The following SGPL1 variants were observed in gnomAD, a reference collection of about 807,000 sequenced individuals.
SGPL1 encodes sphingosine-1-phosphate lyase 1.
Under a neutral mutation model 68.9 loss-of-function variants are expected in SGPL1, and 37 were observed. The ratio of observed to expected loss-of-function variants is 0.54; its 90% CI spans 0.41 to 0.71. SGPL1 has a LOEUF of 0.71. Among genes scored for constraint, SGPL1 ranks in the 30% least tolerant of loss-of-function variants. SGPL1 has a pLI of 0.00. For synonymous variants in SGPL1, 236 were observed against 248.5 expected (o/e 0.95, Z 0.47); for missense variants, 551 against 704.6 (o/e 0.78, Z 2.47).
chr10:70,848,386 C>T (rs779846686), intron 3 of SGPL1, among the ~76,000 whole-genome samples: 4 of 140,974 alleles, frequency 2.8e-5, no homozygotes, highest in African/African-American at 5.3e-5. Flanking sequence ...TTATGATGTA[C>T]AACATGAAGT....
At chr10:70,849,237 C>CTG (rs1366977658) in intron 3 of SGPL1, among the ~76,000 whole-genome samples, 2 of 152,192 alleles carry the variant, frequency 1.3e-5, no homozygotes, top group African/African-American at 4.8e-5. Flanking sequence ...ATTTCTGAAT[C>CTG]TGTACAGCTT....
At chr10:70,856,517 G>C (rs561992980) in intron 5 of SGPL1, among the ~76,000 whole-genome samples, 24 of 152,288 alleles carry the variant, frequency 1.6e-4, no homozygotes, top group African/African-American at 5.5e-4. Flanking sequence ...TCTAGCATCA[G>C]TAAAAGAACA....
At chr10:70,851,739 G>T (rs1845885618) in intron 4 of SGPL1, among the ~76,000 whole-genome samples, 1 of 152,112 alleles carries the variant, frequency 6.6e-6, no homozygotes, top group Non-Finnish European at 1.5e-5. Context: ...AAACATTTTG[G>T]GCTCTGTAGG....
intron 3 of SGPL1, among the ~76,000 whole-genome samples, chr10:70,850,030 C>T (rs879626186): frequency 1.3e-5 from 2 of 152,064 alleles, no homozygotes; most frequent in Admixed American, 6.5e-5. Context: ...CAGAGTCAGT[C>T]GAGATACATT....
chr10:70,860,805 G>T (rs1172057461), intron 7 of SGPL1, among the ~76,000 whole-genome samples: 1 of 152,100 alleles, frequency 6.6e-6, no homozygotes, highest in Non-Finnish European at 1.5e-5. Flanking sequence ...AATATTCATA[G>T]CAATGTTATT....
chr10:70,830,686 G>T (rs1199138722), intron 2 of SGPL1, among the ~76,000 whole-genome samples: 2 of 152,066 alleles, frequency 1.3e-5, no homozygotes, highest in African/African-American at 4.8e-5. Context: ...TATTAACTGG[G>T]GAATATGGAC....
intron 2 of SGPL1, among the ~76,000 whole-genome samples, chr10:70,818,520 G>A (rs1845280675): frequency 6.6e-6 from 1 of 152,216 alleles, no homozygotes; most frequent in African/African-American, 2.4e-5. Context: ...CTATCCCAGA[G>A]GGTGGGTTGG....
intron 2 of SGPL1, 70 bp downstream of exon 2, chr10:70,816,950 A>C: frequency 7.0e-7 from 1 of 1,428,904 alleles, no homozygotes; most frequent in Admixed American, 1.7e-5. Flanking sequence ...AAAGGATCCC[A>C]GTGTGTAGAT....
At chr10:70,862,562 A>G (rs925425453) in intron 7 of SGPL1, among the ~76,000 whole-genome samples, 1 of 152,132 alleles carries the variant, frequency 6.6e-6, no homozygotes, top group African/African-American at 2.4e-5. Flanking sequence ...AAATCTTGCT[A>G]CTGCTCACTC....
chr10:70,824,469 G>A (rs377485823), intron 2 of SGPL1, among the ~76,000 whole-genome samples: 1 of 152,136 alleles, frequency 6.6e-6, no homozygotes, highest in East Asian at 1.9e-4. Context: ...CTATTTGTCT[G>A]AAAGAGCAAT....
chr10:70,837,907 A>G (rs1845651469), intron 2 of SGPL1, among the ~76,000 whole-genome samples: 1 of 152,142 alleles, frequency 6.6e-6, no homozygotes. Context: ...ACATGTCAGA[A>G]GGGCAAGTGA....
At chr10:70,872,612 G>A (rs979738309) in intron 11 of SGPL1, among the ~76,000 whole-genome samples, 5 of 152,136 alleles carry the variant, frequency 3.3e-5, no homozygotes, top group Admixed American at 2.6e-4. Context: ...TGTTTTGATT[G>A]CATTTTCAGA....
intron 2 of SGPL1, among the ~76,000 whole-genome samples, chr10:70,818,848 A>G (rs533926426): frequency 2.0e-5 from 3 of 152,342 alleles, no homozygotes; most frequent in African/African-American, 7.2e-5. Context: ...ATTATGTTAG[A>G]AATACTGGAA....
intron 2 of SGPL1, among the ~76,000 whole-genome samples, chr10:70,821,658 C>G (rs1845339748): frequency 6.6e-6 from 1 of 152,186 alleles, no homozygotes; most frequent in South Asian, 2.1e-4. Flanking sequence ...TTACAACGCA[C>G]AGTTTCCTGC....
At chr10:70,827,037 A>G (rs914684865) in intron 2 of SGPL1, among the ~76,000 whole-genome samples, 17 of 152,134 alleles carry the variant, frequency 1.1e-4, no homozygotes, top group Admixed American at 9.2e-4. Flanking sequence ...TTTTTCTGGG[A>G]TTTGTGCCTA....
chr10:70,859,331 TA>T, intron 6 of SGPL1, 39 bp from the exon 7 acceptor site: 1 of 1,360,360 alleles, frequency 7.4e-7, no homozygotes, highest in Non-Finnish European at 9.6e-7. Flanking sequence ...CTGTATAGTG[TA>T]ATAGTTTTGA....
intron 11 of SGPL1, 62 bp downstream of exon 11, chr10:70,872,048 A>G: frequency 6.6e-7 from 1 of 1,512,906 alleles, no homozygotes. Flanking sequence ...TGATAAAATA[A>G]ATTGGTAGCT....
At chr10:70,860,691 T>C (rs1021609230) in intron 7 of SGPL1, among the ~76,000 whole-genome samples, 1 of 152,224 alleles carries the variant, frequency 6.6e-6, no homozygotes, top group Non-Finnish European at 1.5e-5. Context: ...TTTGGCCTTA[T>C]CTGGTAAATT....
chr10:70,836,116 C>T (rs1845624496), intron 2 of SGPL1, among the ~76,000 whole-genome samples: 1 of 152,202 alleles, frequency 6.6e-6, no homozygotes, highest in African/African-American at 2.4e-5. Flanking sequence ...AATCTGTGTG[C>T]CTGTGGCAGT....
Sources: allele counts gnomAD v4.1 joint callset (sites outside exome capture counted in the v4.1 genomes callset), GRCh38; gene constraint gnomAD v4.1.1; transcripts MANE v1.5; gene names NCBI Gene and HGNC (gene_info 2026-07-23, HGNC 2026-07-21).